ALK: variants seen among roughly 807,000 people sequenced by gnomAD.
ALK encodes ALK tyrosine kinase receptor.
In ALK, 74 loss-of-function variants were observed where a neutral mutation model predicts 163.1. The ratio of observed to expected loss-of-function variants is 0.45; its 90% CI spans 0.38 to 0.55. The LOEUF (loss-of-function observed/expected upper bound fraction) is 0.55. Ranked by LOEUF, ALK falls within the 20% of genes least tolerant of loss-of-function variation. The pLI is 0.00. For missense variants in ALK, 2,063 were observed against 2,105.3 expected, an observed-to-expected ratio of 0.98 and a Z score of 0.39; for synonymous variants, 960 against 843.2, an observed-to-expected ratio of 1.14 and a Z score of -2.40.
At chr2:29,728,288 G>T (rs1679631793) in intron 1 of ALK, among the ~76,000 whole-genome samples, 1 of 152,250 alleles carries the variant, frequency 6.6e-6, no homozygotes. Flanking sequence ...GCTCAGAGAG[G>T]TTGAGTAACT....
At chr2:29,565,126 G>T (rs74807129) in intron 3 of ALK, among the ~76,000 whole-genome samples, 16 of 152,310 alleles carry the variant, frequency 1.1e-4, no homozygotes, top group Admixed American at 3.3e-4. Flanking sequence ...ACGTGATATG[G>T]TGCCCTTTGG....
intron 2 of ALK, among the ~76,000 whole-genome samples, chr2:29,712,652 C>G (rs769041181): frequency 6.6e-6 from 1 of 151,532 alleles, no homozygotes; most frequent in African/African-American, 2.4e-5. Flanking sequence ...TTTAATTTAC[C>G]TAGTCTTTTC....
intron 1 of ALK, among the ~76,000 whole-genome samples, chr2:29,914,521 C>T (rs1243256963): frequency 1.3e-5 from 2 of 152,220 alleles, no homozygotes; most frequent in African/African-American, 4.8e-5. Context: ...AATAGTGGTT[C>T]ATATTGATGA....
At chr2:29,869,331 G>A (rs1666517722) in intron 1 of ALK, among the ~76,000 whole-genome samples, 1 of 152,030 alleles carries the variant, frequency 6.6e-6, no homozygotes, top group Non-Finnish European at 1.5e-5. Flanking sequence ...CCTTCCTTAG[G>A]CATCTTGTGA....
intron 7 of ALK, among the ~76,000 whole-genome samples, chr2:29,320,109 C>T (rs1426047450): frequency 1.3e-5 from 2 of 152,234 alleles, no homozygotes; most frequent in African/African-American, 4.8e-5. Flanking sequence ...CCTGCCCAGC[C>T]TGGTGTCTCT....
chr2:29,639,968 G>C (rs932573788), intron 3 of ALK, among the ~76,000 whole-genome samples: 11 of 152,160 alleles, frequency 7.2e-5, no homozygotes, highest in Non-Finnish European at 1.0e-4. Flanking sequence ...GGGTCTTGAC[G>C]TTCAACTTAG....
At chr2:29,369,070 T>A (rs555616684) in intron 5 of ALK, among the ~76,000 whole-genome samples, 3 of 152,348 alleles carry the variant, frequency 2.0e-5, no homozygotes, top group African/African-American at 7.2e-5. Context: ...TGTCTTCCCA[T>A]GCAGAGACTG....
intron 8 of ALK, among the ~76,000 whole-genome samples, chr2:29,311,596 G>A (rs934099408): frequency 1.8e-4 from 27 of 152,158 alleles, no homozygotes; most frequent in African/African-American, 5.6e-4. Flanking sequence ...GCTCTGGGCC[G>A]TGTCACCAGA....
At chr2:29,738,247 C>T (rs1482879402) in intron 1 of ALK, among the ~76,000 whole-genome samples, 1 of 151,952 alleles carries the variant, frequency 6.6e-6, no homozygotes, top group Non-Finnish European at 1.5e-5. Flanking sequence ...GTCCCAGCCC[C>T]CATGGACCTT....
chr2:29,838,368 G>A (rs1665617357), intron 1 of ALK, among the ~76,000 whole-genome samples: 1 of 152,014 alleles, frequency 6.6e-6, no homozygotes, highest in Non-Finnish European at 1.5e-5. Context: ...GATCTAAGAA[G>A]CTCAATGAAA....
At chr2:29,402,334 G>A (rs1669468516) in intron 4 of ALK, among the ~76,000 whole-genome samples, 1 of 152,222 alleles carries the variant, frequency 6.6e-6, no homozygotes. Flanking sequence ...CCTACTCGGC[G>A]TCTGGCCCAG....
chr2:29,261,538 C>A (rs1665088720), intron 11 of ALK, among the ~76,000 whole-genome samples: 1 of 152,208 alleles, frequency 6.6e-6, no homozygotes, highest in African/African-American at 2.4e-5. Flanking sequence ...CTGCATTTCT[C>A]TTCCTGGGCT....
intron 1 of ALK, among the ~76,000 whole-genome samples, chr2:29,886,933 G>A (rs1171052922): frequency 6.6e-6 from 1 of 152,142 alleles, no homozygotes; most frequent in Non-Finnish European, 1.5e-5. Context: ...ACTGAATGAG[G>A]AACATTCTCA....
At chr2:29,709,974 C>T (rs534956090) in intron 2 of ALK, among the ~76,000 whole-genome samples, 1 of 152,268 alleles carries the variant, frequency 6.6e-6, no homozygotes, top group East Asian at 1.9e-4. Flanking sequence ...TCTGTGCCCC[C>T]ACCCAAATCT....
At chr2:29,773,568 G>T (rs976646314) in intron 1 of ALK, among the ~76,000 whole-genome samples, 1 of 152,160 alleles carries the variant, frequency 6.6e-6, no homozygotes, top group Non-Finnish European at 1.5e-5. Context: ...ATTAGATAAT[G>T]ATGAGTTTCT....
chr2:29,520,915 G>A (rs78800443), intron 4 of ALK, among the ~76,000 whole-genome samples: 1,526 of 152,322 alleles, frequency 0.01, 28 homozygotes, highest in African/African-American at 0.035. Flanking sequence ...TCACTTGTCA[G>A]TTCTCTCATC....
intron 1 of ALK, among the ~76,000 whole-genome samples, chr2:29,860,717 A>G (rs1377496658): frequency 2.0e-5 from 3 of 152,210 alleles, no homozygotes; most frequent in African/African-American, 7.2e-5. Context: ...CTAGAGATCA[A>G]TAATAGGAGA....
At chr2:29,686,393 A>C (rs1032591625) in intron 3 of ALK, among the ~76,000 whole-genome samples, 1 of 152,168 alleles carries the variant, frequency 6.6e-6, no homozygotes, top group South Asian at 2.1e-4. Context: ...GCCAAACCTT[A>C]GGAGGTGGGT....
intron 4 of ALK, among the ~76,000 whole-genome samples, chr2:29,506,395 A>G (rs1251288853): frequency 6.6e-6 from 1 of 152,206 alleles, no homozygotes; most frequent in Non-Finnish European, 1.5e-5. Context: ...ATGATCAGGT[A>G]TAAACAGGGT....
Sources: gnomAD v4.1 joint callset for allele counts (sites outside exome capture counted in the v4.1 genomes callset) on GRCh38, gnomAD v4.1.1 for gene constraint, MANE v1.5 for transcripts, NCBI Gene and HGNC (gene_info 2026-07-23, HGNC 2026-07-21) for gene names.